The following NRF1 variants were observed in gnomAD, a reference collection of about 807,000 sequenced individuals.
NRF1 encodes alpha palindromic-binding protein.
NRF1 carries 5 observed loss-of-function variants against 58.5 expected under a neutral mutation model. The ratio of observed to expected loss-of-function variants is 0.09; its 90% CI spans 0.04 to 0.18. The LOEUF (loss-of-function observed/expected upper bound fraction) is 0.18, where lower values mean the gene tolerates loss of function less well. Among genes scored for constraint, NRF1 ranks in the 10% least tolerant of loss-of-function variants. NRF1 has a pLI of 1.00. For synonymous variants in NRF1, 224 were observed against 246.7 expected (o/e 0.91, Z 0.86); for missense variants, 288 against 657.7 (o/e 0.44, Z 6.15).
chr7:129,683,203 C>T (rs1288593820), intron 4 of NRF1, among the ~76,000 whole-genome samples: 1 of 151,364 alleles, frequency 6.6e-6, no homozygotes, highest in Non-Finnish European at 1.5e-5. Flanking sequence ...AGCCCTGGCC[C>T]CAGAGAATAT....
chr7:129,719,816 C>A (rs924526230), intron 9 of NRF1, among the ~76,000 whole-genome samples: 4 of 152,150 alleles, frequency 2.6e-5, no homozygotes, highest in South Asian at 2.1e-4. Context: ...GTAACACCCC[C>A]CATTCTCCGC....
chr7:129,656,006 C>T (rs908890394), intron 1 of NRF1, among the ~76,000 whole-genome samples: 2 of 152,088 alleles, frequency 1.3e-5, no homozygotes, highest in African/African-American at 4.8e-5. Flanking sequence ...ATGCATTCAT[C>T]GATGGTCACT....
At chr7:129,648,103 T>C (rs1801450604) in intron 1 of NRF1, among the ~76,000 whole-genome samples, 1 of 151,158 alleles carries the variant, frequency 6.6e-6, no homozygotes, top group South Asian at 2.1e-4. Context: ...AAATCAATAG[T>C]CTTTTGCCAC....
chr7:129,715,956 G>T (rs1000624278), intron 8 of NRF1, among the ~76,000 whole-genome samples: 1 of 151,238 alleles, frequency 6.6e-6, no homozygotes, highest in Non-Finnish European at 1.5e-5. Context: ...GGTGAGCCGA[G>T]ATCGCGCCAC....
intron 4 of NRF1, 101 bp downstream of exon 4, chr7:129,677,859 C>G: frequency 7.1e-7 from 1 of 1,407,690 alleles, no homozygotes; most frequent in Non-Finnish European, 9.8e-7. Flanking sequence ...ATTTCTGTTA[C>G]CCCCTAATCC....
chr7:129,694,276 T>C (rs1035260004), intron 5 of NRF1, among the ~76,000 whole-genome samples: 4 of 152,230 alleles, frequency 2.6e-5, no homozygotes, highest in African/African-American at 9.6e-5. Context: ...ATTTGGATCC[T>C]GGCATTTTCC....
chr7:129,748,145 CG>C (rs1804024285), intron 10 of NRF1, among the ~76,000 whole-genome samples: 1 of 151,402 alleles, frequency 6.6e-6, no homozygotes, highest in Non-Finnish European at 1.5e-5. Context: ...CGTGGTGGTG[CG>C]CGCCTGTAAT....
At chr7:129,710,854 T>C (rs1351717029) in intron 7 of NRF1, among the ~76,000 whole-genome samples, 1 of 152,010 alleles carries the variant, frequency 6.6e-6, no homozygotes, top group East Asian at 1.9e-4. Context: ...CACAGCTCAC[T>C]GCAGCCTCAA....
intron 1 of NRF1, among the ~76,000 whole-genome samples, chr7:129,617,786 T>C (rs1800687462): frequency 6.6e-6 from 1 of 152,076 alleles, no homozygotes; most frequent in Non-Finnish European, 1.5e-5. Flanking sequence ...ACTTTTCACA[T>C]AGGGGAAGTT....
intron 2 of NRF1, among the ~76,000 whole-genome samples, chr7:129,668,170 T>C (rs541414939): frequency 1.1e-4 from 16 of 152,354 alleles, no homozygotes; most frequent in Admixed American, 4.6e-4. Context: ...ACCAGCATCA[T>C]ATATTTAATA....
At position 129,666,724 on chromosome 7, in the gene NRF1, G is replaced by A. The variant is rs575718354; in HGVS notation, c.224-4705G>A. On this transcript the variant is annotated intron_variant, in intron 2 of 10. Coordinates refer to ENST00000393232, the MANE Select transcript of NRF1 (RefSeq NM_005011.5). ...TTTTTGTATTTTTAGTAGAGATGGG[G>A]TTTACCATGTTGGCCAGGCTGGTCT... is the stretch of plus-strand genomic sequence containing the variant. 3.2e-3 allele frequency among the ~76,000 whole-genome samples: 483 copies of A among 152,188 alleles called. 3 individuals are homozygous for A. Among genetic ancestry groups the A allele is most frequent in the South Asian group, 0.011 (54 of 4,822 alleles).
intron 10 of NRF1, among the ~76,000 whole-genome samples, chr7:129,729,304 C>T (rs1036979047): frequency 3.3e-5 from 5 of 152,226 alleles, no homozygotes; most frequent in African/African-American, 1.2e-4. Context: ...TTGAACCACA[C>T]CCGCTACTAT....
At chr7:129,639,946 C>T (rs987573179) in intron 1 of NRF1, among the ~76,000 whole-genome samples, 25 of 152,136 alleles carry the variant, frequency 1.6e-4, no homozygotes, top group Non-Finnish European at 2.9e-4. Context: ...TGAAGAAGAA[C>T]ATAAAGTCAG....
chr7:129,677,866 A>C, intron 4 of NRF1, 108 bp downstream of exon 4: 3 of 1,320,504 alleles, frequency 2.3e-6, no homozygotes, highest in Non-Finnish European at 3.2e-6. Context: ...TTACCCCCTA[A>C]TCCAGGCATG....
chr7:129,622,418 T>C (rs10252513), intron 1 of NRF1, among the ~76,000 whole-genome samples: 133,237 of 152,126 alleles, frequency 0.88, 58,473 homozygotes, highest in East Asian at 0.93. Flanking sequence ...ATTCTAAGTC[T>C]GTGTTACATG....
rs1209948295 is a variant in NRF1 at position 129,756,532 on chromosome 7, A to T, written c.*1351A>T. 6.6e-6 allele frequency: 1 copy of T among 152,470 alleles called. No individual in the cohort carries two copies. The highest frequency in any genetic ancestry group is 1.5e-5 in the Non-Finnish European group (1 of 68,022). The allele number at this position is 152,470 out of a possible 1,614,324, so 9.4% of individuals were successfully genotyped here. A position where few individuals can be genotyped will look rare whatever the true frequency, so the allele number is the denominator to read the frequency against. ...ATCTGGGTGTTCTTGGTAACCGTTA[A>T]CTCTGTCTTTCTCAGCTGCAAGCCC... On this transcript the variant is annotated 3_prime_UTR_variant, in exon 11 of 11. Coordinates refer to ENST00000393232, the MANE Select transcript of NRF1 (RefSeq NM_005011.5).
chr7:129,747,509 A>G (rs953617461), intron 10 of NRF1, among the ~76,000 whole-genome samples: 2 of 152,204 alleles, frequency 1.3e-5, no homozygotes, highest in African/African-American at 4.8e-5. Context: ...GACTCCATCA[A>G]ACTTCATACT....
At chr7:129,619,433 T>TATATATACACAC (rs1554401492) in intron 1 of NRF1, among the ~76,000 whole-genome samples, 1 of 65,866 alleles carries the variant, frequency 1.5e-5, no homozygotes, top group African/African-American at 8.2e-5. Flanking sequence ...TATATATATA[T>TATATATACACAC]ACACACACAC....
intron 3 of NRF1, 144 bp downstream of exon 3, chr7:129,671,687 A>C (rs1355268252): frequency 3.4e-6 from 2 of 581,498 alleles, no homozygotes; most frequent in Non-Finnish European, 6.1e-6. Flanking sequence ...ATTCTTACAA[A>C]ATTAAATGCA....
Sources: allele counts gnomAD v4.1 joint callset (sites outside exome capture counted in the v4.1 genomes callset), GRCh38; gene constraint gnomAD v4.1.1; transcripts MANE v1.5; gene names NCBI Gene and HGNC (gene_info 2026-07-23, HGNC 2026-07-21).